Variants in TSEN54 observed in about 807,000 individuals in gnomAD.
TSEN54 encodes the protein tRNA-splicing endonuclease subunit Sen54.
A neutral mutation model predicts 61.9 loss-of-function variants in TSEN54; 55 were observed. The ratio of observed to expected loss-of-function variants is 0.89; its 90% confidence interval spans 0.72 to 1.11. TSEN54 has a LOEUF of 1.11. Among genes scored for constraint, TSEN54 ranks in the 50% most tolerant of loss-of-function variants. TSEN54 has a pLI of 0.00. For missense variants in TSEN54, 760 were observed against 687.7 expected (o/e 1.11, Z -1.18); for synonymous variants, 304 against 288.7 (o/e 1.05, Z -0.54).
chr17:75,518,687 T>G (rs527885257), intron 5 of TSEN54: 1 of 985,408 alleles, frequency 1.0e-6, no homozygotes, highest in Admixed American at 6.1e-5. Flanking sequence ...TCCTATGAGC[T>G]TTGTATCAAA....
At position 75,517,606 on chromosome 17, in the gene TSEN54, C is replaced by T; in HGVS notation, c.419C>T (p.Ala140Val). 6.2e-7 allele frequency: 1 copy of T among 1,613,988 alleles called. No homozygotes were observed. Among genetic ancestry groups the T allele is most frequent in the South Asian group, 1.1e-5 (1 of 91,068 alleles). The change falls in exon 5 of 11, where the codon GCT becomes GTT. Residue 140 changes from alanine (A) to valine (V), a missense_variant. Transcript: ENST00000333213. Reference protein sequence around the residue: ...HQDLPLSIQEAYQLLLTDHTV... With the variant: ...HQDLPLSIQEVYQLLLTDHTV... ...GACCTGCCACTGTCTATCCAGGAAGCTTACCAGCTGCTGCTGACCGACCAC... is the reference window on the plus strand; with the variant it reads ...GACCTGCCACTGTCTATCCAGGAAGTTTACCAGCTGCTGCTGACCGACCAC...
rs549051193 is a variant in TSEN54 at position 75,517,640 on chromosome 17, C to T, written c.453C>T (p.Thr151=). The T allele has an allele frequency of 5.0e-6, 8 of 1,613,852 alleles. No individual in the cohort carries two copies. The highest frequency in any genetic ancestry group is 1.6e-4 in the Middle Eastern group (1 of 6,062). ...YQLLLTDHTV[T]FLQYQVFSHL... ...TGCTGCTGACCGACCACACTGTGACCTTCCTGCAGTACCAGGTATCTGCCA... is the reference window on the plus strand; with the variant it reads ...TGCTGCTGACCGACCACACTGTGACTTTCCTGCAGTACCAGGTATCTGCCA... The change falls in exon 5 of 11, where the codon ACC becomes ACT. Residue 151 remains threonine (T), a synonymous_variant. Transcript: ENST00000333213.
intron 4 of TSEN54, 34 bp from the exon 5 acceptor site, chr17:75,517,523 G>C: frequency 6.4e-7 from 1 of 1,572,764 alleles, no homozygotes; most frequent in Non-Finnish European, 8.7e-7. Context: ...CTGTAGTGAG[G>C]GCTCATAAGC....
chr17:75,517,245 G>GT lies in TSEN54; in HGVS notation c.369+2dup. 2.5e-6 allele frequency: 4 copies of GT among 1,593,092 alleles called. No homozygotes were observed. The highest frequency in any genetic ancestry group is 3.4e-6 in the Non-Finnish European group (4 of 1,170,052). On this transcript the variant is annotated splice_donor_variant, in intron 4 of 10. Coordinates refer to ENST00000333213, the MANE Select transcript of TSEN54 (RefSeq NM_207346.3). LOFTEE classifies it high-confidence loss of function. ...AGAGGCCTTGTATCTTCTGGAGTGT[G>GT]TAAGTGGGGCCCGGGAGGTGGGGAA...
rs771917520 is a variant in TSEN54 at position 75,523,344 on chromosome 17, C to G, written c.1313+9C>G. 21 of 1,613,896 alleles carry G rather than the reference C, an allele frequency of 1.3e-5. No individual in the cohort carries two copies. The African/African-American group carries it at 2.5e-4, about 19-fold the overall frequency. ...CCTGATGGAGGTGCCCGGTAAGTTTCCAAGCAGTGCCGTCTCTGCAGTACC... is the reference window on the plus strand; with the variant it reads ...CCTGATGGAGGTGCCCGGTAAGTTTGCAAGCAGTGCCGTCTCTGCAGTACC... On this transcript the variant is annotated intron_variant, in intron 9 of 10. Transcript: ENST00000333213.
chr17:75,516,570 G>A lies in TSEN54; in HGVS notation c.10G>A (p.Glu4Lys), dbSNP rs1448309617. 8.7e-7 allele frequency: 1 copy of A among 1,149,652 alleles called. No individual in the cohort carries two copies. The highest frequency in any genetic ancestry group is 1.6e-5 in the African/African-American group (1 of 61,106). The allele number at this position is 1,149,652 out of a possible 1,614,324, so 71.2% of individuals were successfully genotyped here. ...GGCAGGCGGCGGCGGGATGGAGCCCGAGCCCGAGCCCGCGGCCGTGGAGGT... is the reference window on the plus strand; with the variant it reads ...GGCAGGCGGCGGCGGGATGGAGCCCAAGCCCGAGCCCGCGGCCGTGGAGGT... MEP[E>K]PEPAAVEVPA... Residue 4 changes from glutamate to lysine, a missense_variant, in exon 1 of 11, where the codon GAG becomes AAG. Glu to Lys is a moderately conservative substitution (Grantham distance 56). Transcript: ENST00000333213.
rs561986741 is a variant in TSEN54, at chr17:75,522,348, T to A, written c.1252+15T>A. 1.9e-6 allele frequency: 3 copies of A among 1,543,928 alleles called. No individual in the cohort carries two copies. The East Asian group carries it at 7.3e-5, about 38-fold the overall frequency. On this transcript the variant is annotated intron_variant, in intron 8 of 10. Coordinates refer to ENST00000333213, the MANE Select transcript of TSEN54 (RefSeq NM_207346.3). ...CAGCTCCCCAGGTACCCCCTCAGCC[T>A]GCCACATCTTCGAGGGCCACTGGCA...
chr17:75,521,885 T>G lies in TSEN54; in HGVS notation c.804T>G (p.Pro268=). 1 of 1,609,772 alleles carries G rather than the reference T, an allele frequency of 6.2e-7. No homozygotes were observed. Among genetic ancestry groups the G allele is most frequent in the Non-Finnish European group, 8.5e-7 (1 of 1,178,508 alleles). The change falls in exon 8 of 11, where the codon CCT becomes CCG. Residue 268 remains proline, a synonymous_variant. Coordinates refer to ENST00000333213, the MANE Select transcript of TSEN54 (RefSeq NM_207346.3). ...FQLLGSLGPS[P]GPAREGVGCS... is the part of the protein sequence containing the mutation. ...TTCTGGGGTCCCTGGGCCCCAGCCC[T>G]GGCCCGGCCAGGGAGGGGGTGGGGT...
Position 75,517,027 on chromosome 17 carries a change from C to T in TSEN54, c.240C>T (p.Ala80=). ...RVERLGSLVA[A]EWRPEEGFVE... ...TCGCCAGGGGCAGCTTGGTGGCTGCCGAGTGGAGGCCAGAAGAGGGCTTCG... is the reference window on the plus strand; with the variant it reads ...TCGCCAGGGGCAGCTTGGTGGCTGCTGAGTGGAGGCCAGAAGAGGGCTTCG... The change falls in exon 3 of 11, where the codon GCC becomes GCT. Residue 80 remains alanine, a synonymous_variant. Coordinates refer to ENST00000333213, the MANE Select transcript of TSEN54 (RefSeq NM_207346.3). 3.1e-6 allele frequency: 5 copies of T among 1,592,268 alleles called. No homozygotes were observed. The highest frequency in any genetic ancestry group is 4.3e-6 in the Non-Finnish European group (5 of 1,170,228).
chr17:75,524,504 C>T lies in TSEN54; in HGVS notation c.*92C>T. 1 of 1,524,514 alleles carries T rather than the reference C, an allele frequency of 6.6e-7. No individual in the cohort carries two copies. The highest frequency in any genetic ancestry group is 2.2e-5 in the East Asian group (1 of 44,452). The allele number at this position is 1,524,514 out of a possible 1,614,324, so 94.4% of individuals were successfully genotyped here. Reference sequence around the variant, plus strand: ...CTCGGCTGCCTCCTGTACCCAGACTCTAACCTGTAGCTTCAGAGGCCAGTC... The same window carrying T: ...CTCGGCTGCCTCCTGTACCCAGACTTTAACCTGTAGCTTCAGAGGCCAGTC... On this transcript the variant is annotated 3_prime_UTR_variant, in exon 11 of 11. Coordinates refer to ENST00000333213, the MANE Select transcript of TSEN54 (RefSeq NM_207346.3).
At chr17:75,518,520 A>G (rs923003786) in intron 5 of TSEN54, 2 of 985,274 alleles carry the variant, frequency 2.0e-6, no homozygotes, top group Admixed American at 6.2e-5. Context: ...GATGGGGGAC[A>G]TTCTTATCTA....
intron 10 of TSEN54, 81 bp from the exon 11 acceptor site, chr17:75,524,181 C>A (rs2053471823): frequency 1.3e-5 from 21 of 1,598,326 alleles, no homozygotes; most frequent in South Asian, 1.2e-4. Context: ...CCAACTCCTT[C>A]CGTAGAATCT....
At chr17:75,518,745 C>CA (rs1252610427) in intron 5 of TSEN54, 2 of 985,256 alleles carry the variant, frequency 2.0e-6, no homozygotes, top group Non-Finnish European at 2.4e-6. Flanking sequence ...TCATGGCTAT[C>CA]AGTTTTTTTG....
In TSEN54 at chr17:75,521,728, C is replaced by G. The variant is rs2063455576; in HGVS notation, c.647C>G (p.Ala216Gly). The G allele has an allele frequency of 3.1e-6, 5 of 1,613,134 alleles. No individual in the cohort carries two copies. The highest frequency in any genetic ancestry group is 1.7e-4 in the Middle Eastern group (1 of 6,060). Residue 216 changes from alanine (A) to glycine (G), a missense_variant, in exon 8 of 11, where the codon GCC becomes GGC. By Grantham distance (60) the Ala-to-Gly change is moderately conservative. Around this residue, in one of 3 missense-constraint regions of TSEN54, gnomAD observed 667 missense variants for 577.8 expected, o/e 1.15. Coordinates refer to ENST00000333213, the MANE Select transcript of TSEN54 (RefSeq NM_207346.3). ...AGGTCCATTAATAAGAAGGCCAAGG[C>G]CCTGGACAACTCCCTGCAACCCAAG... Reference protein sequence around the residue: ...SPRSINKKAKALDNSLQPKSL... With the variant: ...SPRSINKKAKGLDNSLQPKSL...
In TSEN54 at chr17:75,517,616, G is replaced by A; in HGVS notation, c.429G>A (p.Leu143=). ...LPLSIQEAYQ[L]LLTDHTVTFL... is the part of the protein sequence containing the mutation. ...TGTCTATCCAGGAAGCTTACCAGCT[G>A]CTGCTGACCGACCACACTGTGACCT... The change falls in exon 5 of 11, where the codon CTG becomes CTA. Residue 143 remains leucine, a synonymous_variant. Coordinates refer to ENST00000333213, the MANE Select transcript of TSEN54 (RefSeq NM_207346.3). 2 of 1,613,890 alleles carry A rather than the reference G, an allele frequency of 1.2e-6. No homozygotes were observed. The highest frequency in any genetic ancestry group is 1.7e-6 in the Non-Finnish European group (2 of 1,179,996).
intron 6 of TSEN54, among the ~76,000 whole-genome samples, chr17:75,520,970 A>G (rs1246310169): frequency 1.3e-5 from 2 of 151,862 alleles, no homozygotes; most frequent in East Asian, 3.8e-4. Flanking sequence ...AAAAAAAAAA[A>G]GAAAAAGGAA....
Position 75,521,601 on chromosome 17 carries a change from T to C in TSEN54, c.623+91T>C, listed in dbSNP as rs1598477099. ...GCTTTCTAAGAACCAGCAGCTCCCATGCAGGCTCAGGGAGACACTAGGGGA... is the reference window on the plus strand; with the variant it reads ...GCTTTCTAAGAACCAGCAGCTCCCACGCAGGCTCAGGGAGACACTAGGGGA... On this transcript the variant is annotated intron_variant, in intron 7 of 10. Coordinates refer to ENST00000333213, the MANE Select transcript of TSEN54 (RefSeq NM_207346.3). 5 of 1,563,650 alleles carry C rather than the reference T, an allele frequency of 3.2e-6. No homozygotes were observed. In the Admixed American group the frequency reaches 8.3e-5, roughly 26 times the overall value.
At position 75,517,068 on chromosome 17, in the gene TSEN54, C is replaced by T; in HGVS notation, c.281C>T (p.Pro94Leu). ...PEEGFVELKS[P>L]AGKFWQTMGF... The stretch of plus-strand genomic sequence containing the variant: ...GAGGGCTTCGTGGAGTTGAAGTCTC[C>T]CGCGGTGAGCGGCGGGCTCGGGGAC... Residue 94 changes from proline to leucine, a missense_variant, in exon 3 of 11, where the codon CCC (proline) becomes CTC (leucine). Pro to Leu is a moderately conservative substitution (Grantham distance 98). Coordinates refer to ENST00000333213, the MANE Select transcript of TSEN54 (RefSeq NM_207346.3). 6.3e-7 allele frequency: 1 copy of T among 1,595,720 alleles called. No homozygotes were observed. Among genetic ancestry groups the T allele is most frequent in the Non-Finnish European group, 8.5e-7 (1 of 1,172,012 alleles).
chr17:75,517,053 T>G lies in TSEN54; in HGVS notation c.266T>G (p.Val89Gly). 1.3e-6 allele frequency: 2 copies of G among 1,597,186 alleles called. No individual in the cohort carries two copies. Among genetic ancestry groups the G allele is most frequent in the Non-Finnish European group, 1.7e-6 (2 of 1,172,730 alleles). Residue 89 changes from valine to glycine, a missense_variant, in exon 3 of 11, where the codon GTG becomes GGG. Transcript: ENST00000333213. Reference protein sequence around the residue: ...AAEWRPEEGFVELKSPAGKFW... With the variant: ...AAEWRPEEGFGELKSPAGKFW... ...GAGTGGAGGCCAGAAGAGGGCTTCG[T>G]GGAGTTGAAGTCTCCCGCGGTGAGC...
Sources: allele counts gnomAD v4.1 joint callset (sites outside exome capture counted in the v4.1 genomes callset), GRCh38; gene constraint gnomAD v4.1.1; regional missense constraint gnomAD v4.1.1; transcripts MANE v1.5; gene names NCBI Gene and HGNC (gene_info 2026-07-23, HGNC 2026-07-21).